Variants in MTRR observed in about 807,000 individuals in gnomAD.
MTRR encodes the protein methionine synthase reductase.
A neutral mutation model predicts 79.2 loss-of-function variants in MTRR; 63 were observed. The observed-to-expected ratio is 0.80, with a 90% CI of 0.65 to 0.98. The LOEUF (loss-of-function observed/expected upper bound fraction) is 0.98. Ranked by LOEUF, MTRR falls within the 50% of genes least tolerant of loss-of-function variation. MTRR has a pLI of 0.00. For synonymous variants in MTRR, 355 were observed against 313.3 expected (o/e 1.13, Z -1.41); for missense variants, 895 against 839.6 (o/e 1.07, Z -0.82).
upstream of MTRR, chr5:7,866,127 T>A: frequency 1.6e-6 from 1 of 619,418 alleles, no homozygotes; most frequent in Non-Finnish European, 2.8e-6. Context: ...CTTGTTAGAA[T>A]TAATTATGCC....
At chr5:7,884,080 C>T (rs375946368) in intron 6 of MTRR, among the ~76,000 whole-genome samples, 4 of 152,298 alleles carry the variant, frequency 2.6e-5, no homozygotes, top group East Asian at 3.9e-4. Flanking sequence ...GGGAGGACTG[C>T]TTGAGCCTGG....
At chr5:7,872,687 C>G (rs1453547617) in intron 2 of MTRR, among the ~76,000 whole-genome samples, 1 of 152,144 alleles carries the variant, frequency 6.6e-6, no homozygotes, top group Non-Finnish European at 1.5e-5. Flanking sequence ...CTGAAGATTT[C>G]AGAGCTGTTG....
chr5:7,874,696 G>A (rs1300420743), intron 3 of MTRR, among the ~76,000 whole-genome samples: 1 of 148,994 alleles, frequency 6.7e-6, no homozygotes, highest in Non-Finnish European at 1.5e-5. Flanking sequence ...TATGGCTGGT[G>A]TACCTTTCTT....
chr5:7,860,951 T>C (rs1036232576), intron 1 of MTRR, among the ~76,000 whole-genome samples: 1 of 152,202 alleles, frequency 6.6e-6, no homozygotes, highest in African/African-American at 2.4e-5. Flanking sequence ...TTTGTGTACT[T>C]GTGTTCTTCC....
At chr5:7,894,060 G>A (rs554364120) in intron 11 of MTRR, among the ~76,000 whole-genome samples, 3 of 152,132 alleles carry the variant, frequency 2.0e-5, no homozygotes, top group African/African-American at 2.4e-5. Flanking sequence ...ATCATGTATC[G>A]TAAACACTAA....
At chr5:7,889,900 A>C (rs1034147360) in intron 9 of MTRR, among the ~76,000 whole-genome samples, 5 of 152,060 alleles carry the variant, frequency 3.3e-5, no homozygotes, top group African/African-American at 9.7e-5. Flanking sequence ...TTTTGCCCAG[A>C]GTGACTCTTC....
At chr5:7,899,464 C>G (rs1739114276) in intron 14 of MTRR, among the ~76,000 whole-genome samples, 3 of 152,124 alleles carry the variant, frequency 2.0e-5, no homozygotes, top group Admixed American at 1.3e-4. Flanking sequence ...ATAGTAAGTC[C>G]TCAATAAAGG....
intron 1 of MTRR, chr5:7,861,530 C>G (rs756975054): frequency 5.3e-5 from 68 of 1,288,280 alleles, no homozygotes; most frequent in Non-Finnish European, 6.8e-5. Flanking sequence ...GATACCGCTG[C>G]TTATTAGCCT....
chr5:7,897,294 ATGTCTGT>A (rs766155690), intron 14 of MTRR, 47 bp downstream of exon 14: 203 of 1,586,538 alleles, frequency 1.3e-4, no homozygotes, highest in Non-Finnish European at 1.7e-4. Context: ...GCCATCAGTG[ATGTCTGT>A]AGAAGAAAAA....
At chr5:7,873,740 G>T (rs1396605718) in intron 3 of MTRR, among the ~76,000 whole-genome samples, 4 of 152,148 alleles carry the variant, frequency 2.6e-5, no homozygotes, top group Non-Finnish European at 5.9e-5. Flanking sequence ...AACCTCTTGA[G>T]TAGCATTTTA....
chr5:7,895,209 ATTTGT>A (rs904616346), intron 11 of MTRR, among the ~76,000 whole-genome samples: 7 of 152,346 alleles, frequency 4.6e-5, no homozygotes, highest in South Asian at 4.1e-4. Flanking sequence ...TAATTATATG[ATTTGT>A]TTAGTTATAA....
At chr5:7,869,614 G>C (rs919432091) in intron 1 of MTRR, 1 of 250,558 alleles carries the variant, frequency 4.0e-6, no homozygotes, top group Non-Finnish European at 7.9e-6. Flanking sequence ...CCCACCCGGC[G>C]GGACGCGGCC....
chr5:7,866,655 G>A (rs1189858199), upstream of MTRR: 15 of 1,582,564 alleles, frequency 9.5e-6, no homozygotes, highest in African/African-American at 1.4e-5. Flanking sequence ...CCTTGCAGCC[G>A]TTGAAGGAAA....
chr5:7,861,180 T>C, intron 1 of MTRR: 1 of 1,612,046 alleles, frequency 6.2e-7, no homozygotes. Flanking sequence ...TAACTGTAGG[T>C]GTCTTTGTTT....
intron 12 of MTRR, chr5:7,896,447 A>T (rs1738528617): frequency 4.6e-6 from 1 of 216,534 alleles, no homozygotes; most frequent in African/African-American, 2.3e-5. Flanking sequence ...CAAAAGCATA[A>T]TCACAGATGT....
Position 7,861,493 on chromosome 5 carries a change from C to T in MTRR, n.392-458C>T. The T allele has an allele frequency of 3.3e-6, 3 of 923,048 alleles. No homozygotes were observed. In the South Asian group the frequency reaches 8.3e-5, roughly 26 times the overall value. 57.2% of individuals were successfully genotyped at this position (923,048 alleles called of 1,614,324 possible). A position where few individuals can be genotyped will look rare whatever the true frequency, so the allele number is the denominator to read the frequency against. On this transcript the variant is annotated intron_variant and non_coding_transcript_variant, in intron 1 of 3. Coordinates refer to the MTRR transcript ENST00000502509. Reference sequence around the variant, plus strand: ...AGTATTTTAATTTCCAGAATCATATCTATTTTTTTCACCTTCTTGAGAAAA... The same window carrying T: ...AGTATTTTAATTTCCAGAATCATATTTATTTTTTTCACCTTCTTGAGAAAA...
At chr5:7,865,499 G>A (rs1270496122), upstream of MTRR, among the ~76,000 whole-genome samples, 2 of 152,134 alleles carry the variant, frequency 1.3e-5, no homozygotes, top group Non-Finnish European at 2.9e-5. Flanking sequence ...GAAATTTCTG[G>A]CTTGGCTTAA....
At chr5:7,871,562 A>G in intron 2 of MTRR, among the ~76,000 whole-genome samples, 1 of 152,212 alleles carries the variant, frequency 6.6e-6, no homozygotes, top group East Asian at 1.9e-4. Flanking sequence ...TTATACCACA[A>G]GATGATTTGC....
intron 10 of MTRR, 33 bp downstream of exon 10, chr5:7,891,447 T>C: frequency 6.4e-7 from 1 of 1,569,782 alleles, no homozygotes. Flanking sequence ...TATATAGCAT[T>C]GTTTCTCCAA....
Sources: gnomAD v4.1 joint callset for allele counts (sites outside exome capture counted in the v4.1 genomes callset) on GRCh38, gnomAD v4.1.1 for gene constraint, MANE v1.5 for transcripts, NCBI Gene and HGNC (gene_info 2026-07-23, HGNC 2026-07-21) for gene names.